C2CD5: variants seen among roughly 807,000 people sequenced by gnomAD.
C2CD5 encodes the protein C2 domain-containing protein 5.
A neutral mutation model predicts 130.3 loss-of-function variants in C2CD5; 109 were observed. The ratio of observed to expected loss-of-function variants is 0.84; its 90% confidence interval spans 0.72 to 0.98. The LOEUF is 0.98. C2CD5 is among the 50% of genes least tolerant of loss of function. C2CD5 has a pLI of 0.00. For missense variants in C2CD5, 996 were observed against 1,261.8 expected (o/e 0.79, Z 3.19); for synonymous variants, 454 against 429.2 (o/e 1.06, Z -0.71).
chr12:22,513,422 A>G, intron 8 of C2CD5, 43 bp from the exon 9 acceptor site: 2 of 1,250,354 alleles, frequency 1.6e-6, no homozygotes, highest in South Asian at 2.4e-5. Flanking sequence ...AAAAGCAACT[A>G]TAGAAACAAA....
intron 22 of C2CD5, among the ~76,000 whole-genome samples, chr12:22,460,276 C>CT (rs1326889840): frequency 6.6e-6 from 1 of 152,112 alleles, no homozygotes; most frequent in Non-Finnish European, 1.5e-5. Flanking sequence ...TGCTCATGTT[C>CT]TACCCACATT....
At chr12:22,483,997 T>A (rs1288926391) in intron 13 of C2CD5, among the ~76,000 whole-genome samples, 2 of 152,072 alleles carry the variant, frequency 1.3e-5, no homozygotes, top group African/African-American at 4.8e-5. Context: ...TCTATATAAG[T>A]TGATGAGTTC....
intron 3 of C2CD5, among the ~76,000 whole-genome samples, chr12:22,532,071 C>T (rs539984417): frequency 6.6e-6 from 1 of 152,328 alleles, no homozygotes; most frequent in East Asian, 1.9e-4. Context: ...GGCATTACGC[C>T]TGTAATCCCA....
intron 10 of C2CD5, among the ~76,000 whole-genome samples, chr12:22,505,825 A>T (rs2136708720): frequency 6.6e-6 from 1 of 151,940 alleles, no homozygotes; most frequent in Non-Finnish European, 1.5e-5. Flanking sequence ...CATAACAAAT[A>T]GCTACATAAA....
rs771055038 is a variant in C2CD5, at chr12:22,456,951, A to T, written c.2877+20T>A. On this transcript the variant is annotated intron_variant, in intron 25 of 26. Transcript: ENST00000446597. ...TCAGAGAAAATTTTTTAAAAAATGA[A>T]ATAACTTCTATAAAATTACCTCCCG... 4 of 1,461,070 alleles carry T rather than the reference A, an allele frequency of 2.7e-6. No homozygotes were observed. The highest frequency in any genetic ancestry group is 3.7e-6 in the Non-Finnish European group (4 of 1,084,032). The allele number at this position is 1,461,070 out of a possible 1,614,324, so 90.5% of individuals were successfully genotyped here. A position where few individuals can be genotyped will look rare whatever the true frequency, so the allele number is the denominator to read the frequency against.
chr12:22,479,691 AT>A (rs1164596079), intron 14 of C2CD5, among the ~76,000 whole-genome samples: 1 of 152,182 alleles, frequency 6.6e-6, no homozygotes, highest in African/African-American at 2.4e-5. Context: ...TTTATTTTAA[AT>A]ATCTAATTAA....
At chr12:22,478,097 G>A in intron 15 of C2CD5, 2 of 514,688 alleles carry the variant, frequency 3.9e-6, no homozygotes, top group South Asian at 4.1e-5. Flanking sequence ...GTCATAGGAA[G>A]TGGCAAAAAT....
intron 26 of C2CD5, among the ~76,000 whole-genome samples, chr12:22,451,089 A>AT (rs1043207447): frequency 1.6e-4 from 24 of 151,960 alleles, no homozygotes; most frequent in African/African-American, 3.6e-4. Flanking sequence ...AGAAGTTACC[A>AT]TAAAAAAAAA....
At chr12:22,471,316 T>G in intron 20 of C2CD5, 83 bp downstream of exon 20, 1 of 799,658 alleles carries the variant, frequency 1.3e-6, no homozygotes, top group East Asian at 2.6e-5. Context: ...GTTTATTTAA[T>G]TACGGCAAAA....
At chr12:22,464,492 T>C (rs953620432) in intron 22 of C2CD5, among the ~76,000 whole-genome samples, 8 of 152,214 alleles carry the variant, frequency 5.3e-5, no homozygotes, top group African/African-American at 1.4e-4. Context: ...TCAAGCTGCC[T>C]TGAAGAAGCC....
At chr12:22,509,616 A>G (rs1948962653) in intron 9 of C2CD5, among the ~76,000 whole-genome samples, 1 of 152,248 alleles carries the variant, frequency 6.6e-6, no homozygotes, top group Middle Eastern at 3.2e-3. Flanking sequence ...TCATGAGAAG[A>G]GCTACTGCTG....
chr12:22,501,453 T>C (rs1056720664), intron 10 of C2CD5, among the ~76,000 whole-genome samples: 1 of 152,184 alleles, frequency 6.6e-6, no homozygotes, highest in African/African-American at 2.4e-5. Context: ...CCTTATATTA[T>C]TAATGGTCAA....
At chr12:22,530,495 T>C (rs2137148209) in intron 3 of C2CD5, among the ~76,000 whole-genome samples, 1 of 150,562 alleles carries the variant, frequency 6.6e-6, no homozygotes, top group South Asian at 2.1e-4. Flanking sequence ...TCTCACTCTG[T>C]CACCCAGGCT....
chr12:22,519,497 T>C (rs996860209), intron 7 of C2CD5, among the ~76,000 whole-genome samples: 6 of 152,188 alleles, frequency 3.9e-5, no homozygotes, highest in African/African-American at 7.2e-5. Context: ...GCAAGCAGAA[T>C]AGTCAATGAA....
intron 21 of C2CD5, among the ~76,000 whole-genome samples, chr12:22,470,479 T>C (rs1942846115): frequency 2.0e-5 from 3 of 152,136 alleles, no homozygotes; most frequent in Admixed American, 6.6e-5. Flanking sequence ...CACACAATTG[T>C]GCTTACTACA....
intron 10 of C2CD5, chr12:22,502,887 G>A (rs73076645): frequency 0.054 from 39,875 of 734,526 alleles, 1,456 homozygotes; most frequent in South Asian, 0.11. Flanking sequence ...AAACAAGAAC[G>A]CAATTGACAA....
In C2CD5 at chr12:22,527,848, A is replaced by C. The variant is rs1166723917; in HGVS notation, c.222T>G (p.Val74=). The C allele has an allele frequency of 1.2e-6, 2 of 1,611,586 alleles. No homozygotes were observed. The highest frequency in any genetic ancestry group is 2.2e-5 in the South Asian group (2 of 90,806). Residue 74 remains valine (V), a synonymous_variant, in exon 4 of 27, where the codon GTT becomes GTG. Transcript: ENST00000446597. ...DLQDEPLQIT[V]LDHDTYSAND... ...TTGCACTGTAAGTATCATGGTCAAG[A>C]ACTGTGATCTGTAAAGGTTCATCTT...
chr12:22,519,445 AAATT>A lies in C2CD5; in HGVS notation c.801-1312_801-1309del, dbSNP rs778963812. ...CATAGTTTTAAAGTATCCGATTAAT[AAATT>A]AATTGTGATTAATTTATTAATTGTG... is the stretch of plus-strand genomic sequence containing the variant. On this transcript the variant is annotated intron_variant, in intron 7 of 26. Coordinates refer to ENST00000446597, the MANE Select transcript of C2CD5 (RefSeq NM_001286176.2). 3.0e-4 allele frequency among the ~76,000 whole-genome samples: 45 copies of A among 152,262 alleles called. 1 individual carries two copies. The highest frequency in any genetic ancestry group is 3.4e-3 in the Middle Eastern group (1 of 294).
At chr12:22,511,335 T>G (rs1464481997) in intron 9 of C2CD5, among the ~76,000 whole-genome samples, 1 of 152,198 alleles carries the variant, frequency 6.6e-6, no homozygotes, top group Non-Finnish European at 1.5e-5. Flanking sequence ...TGAACACATA[T>G]GGAGAGAATT....
Sources: allele counts gnomAD v4.1 joint callset (sites outside exome capture counted in the v4.1 genomes callset), GRCh38; gene constraint gnomAD v4.1.1; transcripts MANE v1.5; gene names NCBI Gene and HGNC (gene_info 2026-07-23, HGNC 2026-07-21).